POLR3A: variants seen among roughly 807,000 people sequenced by gnomAD.
The protein encoded by POLR3A is RNA polymerase III subunit A, also known as DNA-directed RNA polymerase III subunit RPC1.
Under a neutral mutation model 152.8 loss-of-function variants are expected in POLR3A, and 112 were observed. The ratio of observed to expected loss-of-function variants is 0.73; its 90% CI spans 0.63 to 0.86. The LOEUF is 0.86. Ranked by LOEUF, POLR3A falls within the 40% of genes least tolerant of loss-of-function variation. POLR3A has a pLI of 0.00. For missense variants in POLR3A, 1,385 were observed against 1,743.1 expected, an observed-to-expected ratio of 0.79 and a Z score of 3.66; for synonymous variants, 615 against 652.1, an observed-to-expected ratio of 0.94 and a Z score of 0.87.
intron 15 of POLR3A, among the ~76,000 whole-genome samples, chr10:78,005,995 A>T (rs569205712): frequency 2.0e-5 from 3 of 152,370 alleles, no homozygotes; most frequent in African/African-American, 7.2e-5. Flanking sequence ...GGAAAAAGAA[A>T]GTAAAAGGAT....
In POLR3A at chr10:78,019,243, A is replaced by C. The variant is rs1259789124; in HGVS notation, c.1208T>G (p.Phe403Cys). Residue 403 changes from phenylalanine to cysteine, a missense_variant, in exon 9 of 31, where the codon TTC becomes TGC. This residue lies in a region of POLR3A where 493 missense variants were observed against 647.5 expected (regional missense o/e 0.76). Transcript: ENST00000372371. ...GCCGTTTTGAACCAGTTTCCTCAAG[A>C]AATTGATGTTTGCTTTGTTTACCTG... ...PEKVNKANIN[F>C]LRKLVQNGPE... 2 of 1,613,910 alleles carry C rather than the reference A, an allele frequency of 1.2e-6. No individual in the cohort carries two copies. Among genetic ancestry groups the C allele is most frequent in the Admixed American group, 1.7e-5 (1 of 60,026 alleles).
intron 11 of POLR3A, chr10:78,013,135 G>A (rs1024761627): frequency 5.5e-6 from 1 of 182,736 alleles, no homozygotes; most frequent in Non-Finnish European, 1.2e-5. Flanking sequence ...CAAATAAAGT[G>A]GTGGTAAGAG....
At chr10:78,000,743 C>T (rs577576508) in intron 18 of POLR3A, among the ~76,000 whole-genome samples, 158 of 152,260 alleles carry the variant, frequency 1.0e-3, no homozygotes, top group Non-Finnish European at 1.7e-3. Context: ...GTTGGCCAGA[C>T]GAACTCCTGG....
Position 78,010,496 on chromosome 10 carries a change from A to C in POLR3A, c.1617T>G (p.Ile539Met), listed in dbSNP as rs1035355968. 3.1e-6 allele frequency: 5 copies of C among 1,614,030 alleles called. No individual in the cohort carries two copies. The highest frequency in any genetic ancestry group is 4.2e-6 in the Non-Finnish European group (5 of 1,179,870). ...CTGTTAGAAAATCCTGAATAGCAGC[A>C]ATCAGCGGTTCCCCATTCCTCGGGG... is the stretch of plus-strand genomic sequence containing the variant. The part of the protein sequence containing the change: ...LVTPRNGEPL[I>M]AAIQDFLTGA... The change falls in exon 12 of 31, where the codon ATT becomes ATG. Residue 539 changes from isoleucine to methionine, a missense_variant. By Grantham distance (10) the Ile-to-Met change is conservative. Coordinates refer to ENST00000372371, the MANE Select transcript of POLR3A (RefSeq NM_007055.4).
At chr10:78,015,165 G>A (rs1847506589) in intron 10 of POLR3A, among the ~76,000 whole-genome samples, 1 of 152,196 alleles carries the variant, frequency 6.6e-6, no homozygotes, top group Non-Finnish European at 1.5e-5. Context: ...TCTTACAAAT[G>A]TAAACTGGAT....
chr10:78,026,128 G>T lies in POLR3A; in HGVS notation c.146C>A (p.Ala49Asp), dbSNP rs776040859. Residue 49 changes from alanine (A) to aspartate (D), a missense_variant, in exon 2 of 31, where the codon GCC (alanine) becomes GAC (aspartate). This residue lies in a region of POLR3A where 493 missense variants were observed against 647.5 expected (regional missense o/e 0.76). Transcript: ENST00000372371. ...KNLYSQDNQH[A>D]PLLYGVLDHR... ...GTCGAGCACCCCATATAGCAAGGGG[G>T]CATGTTGGTTGTCCTGGCTGTACAG... 3.1e-6 allele frequency: 5 copies of T among 1,614,080 alleles called. No individual in the cohort carries two copies. The highest frequency in any genetic ancestry group is 4.2e-6 in the Non-Finnish European group (5 of 1,180,034).
At chr10:77,990,632 T>TG (rs1564615296) in intron 21 of POLR3A, among the ~76,000 whole-genome samples, 3 of 151,392 alleles carry the variant, frequency 2.0e-5, no homozygotes, top group South Asian at 2.1e-4. Flanking sequence ...TTTTTTTTTT[T>TG]TTGAGATGGA....
intron 30 of POLR3A, among the ~76,000 whole-genome samples, chr10:77,979,001 C>A (rs965570920): frequency 6.6e-6 from 1 of 150,962 alleles, no homozygotes; most frequent in Admixed American, 6.6e-5. Context: ...TAAATAGACA[C>A]GAGTTCTCAT....
chr10:78,019,932 G>A (rs963115775), intron 8 of POLR3A: 3 of 152,218 alleles, frequency 2.0e-5, no homozygotes, highest in Non-Finnish European at 4.4e-5. Context: ...CCAGCACTTT[G>A]GGAGGCCGAG....
chr10:77,979,358 G>A (rs1415013462), intron 30 of POLR3A, among the ~76,000 whole-genome samples: 1 of 152,180 alleles, frequency 6.6e-6, no homozygotes, highest in Non-Finnish European at 1.5e-5. Flanking sequence ...GGGGCAGGTT[G>A]CTGGCCCTCT....
Position 78,018,862 on chromosome 10 carries a change from A to G in POLR3A, c.1289+300T>C, listed in dbSNP as rs538442073. Among the ~76,000 whole-genome samples the G allele has an allele frequency of 3.1e-4, 47 of 152,330 alleles. No homozygotes were observed. In the South Asian group the frequency reaches 9.3e-3, roughly 30 times the overall value. ...TGGCCTCACAAAGTGCTGGGATTAA[A>G]GGTGTGAGCCACCAAGCCCAGCAAT... On this transcript the variant is annotated intron_variant, in intron 9 of 30. Coordinates refer to ENST00000372371, the MANE Select transcript of POLR3A (RefSeq NM_007055.4).
chr10:78,004,341 A>C (rs1246325333), intron 16 of POLR3A, among the ~76,000 whole-genome samples: 1 of 152,232 alleles, frequency 6.6e-6, no homozygotes, highest in Non-Finnish European at 1.5e-5. Context: ...GAAAATAGAA[A>C]AGGCAGGAGC....
Position 77,982,840 on chromosome 10 carries a change from T to C in POLR3A, c.3430-23A>G, listed in dbSNP as rs74140820. 4.2e-3 allele frequency: 6,702 copies of C among 1,610,336 alleles called. 269 individuals carry two copies. In the African/African-American group the frequency reaches 0.079, roughly 19 times the overall value. On this transcript the variant is annotated intron_variant, in intron 26 of 30. Transcript: ENST00000372371. ...CACCTGCAACATGGCCAGGTGTAGG[T>C]GTTACTGATTCCAGTGTTGTTCTTC...
rs577327089 is a variant in POLR3A at position 78,013,574 on chromosome 10, G to A, written c.1572+76C>T. ...TTCTTTGGCGTTGTTAGTTGTGGTG[G>A]TGTTTTCATGTAAGTTTCCTTTGCC... On this transcript the variant is annotated intron_variant, in intron 11 of 30. Coordinates refer to ENST00000372371, the MANE Select transcript of POLR3A (RefSeq NM_007055.4). 112 of 1,452,180 alleles carry A rather than the reference G, an allele frequency of 7.7e-5. 2 individuals are homozygous for A. In the South Asian group the frequency reaches 1.2e-3, roughly 16 times the overall value. The allele number at this position is 1,452,180 out of a possible 1,614,324, so 90.0% of individuals were successfully genotyped here.
Position 78,025,740 on chromosome 10 carries a change from C to A in POLR3A, c.200G>T (p.Arg67Leu). ...GTTTTTCCCACAGGTTTCACATGGA[C>A]GATCCTTCTCACTCGTACCCTTTGA... is the stretch of plus-strand genomic sequence containing the variant. Reference protein sequence around the residue: ...DHRMGTSEKDRPCETCGKNLA... With the variant: ...DHRMGTSEKDLPCETCGKNLA... The change falls in exon 3 of 31, where the codon CGT (arginine) becomes CTT (leucine). Residue 67 changes from arginine to leucine, a missense_variant. Transcript: ENST00000372371. 1.2e-6 allele frequency: 2 copies of A among 1,614,062 alleles called. 1 individual carries two copies.
chr10:77,982,639 G>T lies in POLR3A; in HGVS notation c.3594+14C>A. 6.2e-7 allele frequency: 1 copy of T among 1,611,548 alleles called. No homozygotes were observed. The highest frequency in any genetic ancestry group is 1.1e-5 in the South Asian group (1 of 90,886). Reference sequence around the variant, plus strand: ...GAGATGCTGGGTCTCCATGAGAAGCGACTTCTGTTTCACCTTGGGGAGATC... The same window carrying T: ...GAGATGCTGGGTCTCCATGAGAAGCTACTTCTGTTTCACCTTGGGGAGATC... On this transcript the variant is annotated intron_variant, in intron 27 of 30. Transcript: ENST00000372371.
chr10:78,008,960 T>C (rs942321012), intron 14 of POLR3A, among the ~76,000 whole-genome samples: 6 of 151,076 alleles, frequency 4.0e-5, no homozygotes, highest in African/African-American at 1.5e-4. Flanking sequence ...CAAGACCAGC[T>C]TGGCCAACAC....
At chr10:78,022,768 A>G (rs1360937200) in intron 5 of POLR3A, among the ~76,000 whole-genome samples, 1 of 152,238 alleles carries the variant, frequency 6.6e-6, no homozygotes, top group East Asian at 1.9e-4. Flanking sequence ...AAATAAAATC[A>G]CGGTATATCC....
At chr10:77,998,282 C>G (rs1429550812) in intron 19 of POLR3A, among the ~76,000 whole-genome samples, 1 of 152,024 alleles carries the variant, frequency 6.6e-6, no homozygotes, top group African/African-American at 2.4e-5. Context: ...GCAATGGCAA[C>G]AAAAGCCAAA....
Sources: allele counts gnomAD v4.1 joint callset (sites outside exome capture counted in the v4.1 genomes callset), GRCh38; gene constraint gnomAD v4.1.1; regional missense constraint gnomAD v4.1.1; transcripts MANE v1.5; gene names NCBI Gene and HGNC (gene_info 2026-07-23, HGNC 2026-07-21).